SCGB2B2: variants seen among roughly 807,000 people sequenced by gnomAD.
SCGB2B2 encodes the protein secretoglobin family 2B member 2, also known as secretoglobin-like protein.
SCGB2B2 carries 11 observed loss-of-function variants against 7.6 expected under a neutral mutation model. The observed-to-expected ratio is 1.45, with a 90% CI of 0.91 to 2.40. The LOEUF (loss-of-function observed/expected upper bound fraction) is 2.40, where lower values mean the gene tolerates loss of function less well. SCGB2B2 is among the 30% of genes most tolerant of loss of function. SCGB2B2 has a pLI of 0.00. For synonymous variants in SCGB2B2, 50 were observed against 48.6 expected (o/e 1.03, Z -0.12); for missense variants, 104 against 115.4 (o/e 0.90, Z 0.45).
rs1291045219 is a variant in SCGB2B2 at position 34,676,392 on chromosome 19, C to T, written c.-2794G>A. ...GCCATGGTAAGGTTCAGAAGTTACC[C>T]TGTATGGTTCAAAAAGCTGGGAAGC... On this transcript the variant is annotated 5_prime_UTR_variant, in exon 1 of 4. Coordinates refer to ENST00000601241, the MANE Select transcript of SCGB2B2 (RefSeq NM_001025591.4). 6.6e-6 allele frequency: 1 copy of T among 152,200 alleles called. No homozygotes were observed. The highest frequency in any genetic ancestry group is 2.4e-5 in the African/African-American group (1 of 41,460). The allele number at this position is 152,200 out of a possible 1,614,324, so 9.4% of individuals were successfully genotyped here. A position where few individuals can be genotyped will look rare whatever the true frequency, so the allele number is the denominator to read the frequency against.
chr19:34,596,575 C>CTCTGCA lies in SCGB2B2; in HGVS notation c.-2018_-2013dup, dbSNP rs1325082325. The CTCTGCA allele has an allele frequency of 1.3e-5, 2 of 152,686 alleles. No homozygotes were observed. The highest frequency in any genetic ancestry group is 2.1e-4 in the South Asian group (1 of 4,830). 9.5% of individuals were successfully genotyped at this position (152,686 alleles called of 1,614,324 possible). ...GGAGGGGCTGTGTGGCTGCCTCTGCCTCTGCATCTGGGTCTGTGTCTGAGA... is the reference window on the plus strand; with the variant it reads ...GGAGGGGCTGTGTGGCTGCCTCTGCCTCTGCATCTGCATCTGGGTCTGTGTCTGAGA... On this transcript the variant is annotated 5_prime_UTR_variant, in exon 2 of 4. It adds an upstream start codon to the 5' untranslated region. Coordinates refer to ENST00000601241, the MANE Select transcript of SCGB2B2 (RefSeq NM_001025591.4).
chr19:34,604,008 C>A (rs948764163), intron 1 of SCGB2B2, among the ~76,000 whole-genome samples: 1 of 151,986 alleles, frequency 6.6e-6, no homozygotes, highest in Non-Finnish European at 1.5e-5. Flanking sequence ...TTATTTGTGT[C>A]TTTCCCATTT....
At chr19:34,659,131 G>A (rs531932968) in intron 1 of SCGB2B2, among the ~76,000 whole-genome samples, 2 of 152,230 alleles carry the variant, frequency 1.3e-5, no homozygotes, top group Admixed American at 6.5e-5. Context: ...GTATTGATGG[G>A]ACGTATCTCA....
At chr19:34,662,266 C>G (rs80230965) in intron 1 of SCGB2B2, among the ~76,000 whole-genome samples, 129 of 152,188 alleles carry the variant, frequency 8.5e-4, no homozygotes, top group South Asian at 1.7e-3. Flanking sequence ...CAACCCTGTC[C>G]TAAACTGGGA....
intron 1 of SCGB2B2, among the ~76,000 whole-genome samples, chr19:34,631,098 A>C (rs1430730068): frequency 8.4e-6 from 1 of 119,360 alleles, no homozygotes; most frequent in East Asian, 2.8e-4. Flanking sequence ...GGAACATCAC[A>C]CACCGGGGCC....
chr19:34,600,681 A>G (rs1336548716), intron 1 of SCGB2B2, among the ~76,000 whole-genome samples: 1 of 152,164 alleles, frequency 6.6e-6, no homozygotes, highest in African/African-American at 2.4e-5. Context: ...TGAAATGTGA[A>G]TGGAATCTTT....
chr19:34,627,587 C>T (rs967526772), intron 1 of SCGB2B2, among the ~76,000 whole-genome samples: 1 of 152,266 alleles, frequency 6.6e-6, no homozygotes, highest in Middle Eastern at 3.4e-3. Flanking sequence ...TATATATGCA[C>T]CTAATACAGG....
rs7249277 is a variant in SCGB2B2, at chr19:34,636,843, G to A, written c.-2032+38787C>T. Among the ~76,000 whole-genome samples, 528 of 152,238 alleles carry A rather than the reference G, an allele frequency of 3.5e-3. 1 individual carries two copies. The highest frequency in any genetic ancestry group is 0.011 in the African/African-American group (472 of 41,542). On this transcript the variant is annotated intron_variant, in intron 1 of 3. Coordinates refer to ENST00000601241, the MANE Select transcript of SCGB2B2 (RefSeq NM_001025591.4). The stretch of plus-strand genomic sequence containing the variant: ...TTCCCACTTACCAGAGCCAGTCCCC[G>A]CCAGAGTCCCTCCTCCCATAGCTTT...
intron 1 of SCGB2B2, among the ~76,000 whole-genome samples, chr19:34,649,899 G>C (rs545249595): frequency 8.6e-4 from 130 of 151,242 alleles, no homozygotes; most frequent in Non-Finnish European, 1.3e-3. Flanking sequence ...TTTTGTCTCT[G>C]ATCTCTGCTA....
downstream of SCGB2B2, among the ~76,000 whole-genome samples, chr19:34,588,126 C>T (rs58667066): frequency 7.3e-3 from 1,113 of 152,280 alleles, 8 homozygotes; most frequent in African/African-American, 0.026. Flanking sequence ...AAATATTTGG[C>T]GGAATTCTGC....
intron 1 of SCGB2B2, among the ~76,000 whole-genome samples, chr19:34,600,296 A>G (rs1568428646): frequency 6.6e-6 from 1 of 152,040 alleles, no homozygotes; most frequent in Non-Finnish European, 1.5e-5. Flanking sequence ...TGTTATCTCC[A>G]TTGTTTAAGT....
intron 1 of SCGB2B2, among the ~76,000 whole-genome samples, chr19:34,629,861 C>A (rs981647564): frequency 4.6e-5 from 7 of 152,114 alleles, no homozygotes; most frequent in South Asian, 4.1e-4. Flanking sequence ...TGACTTCAAA[C>A]TATACTACAA....
intron 1 of SCGB2B2, among the ~76,000 whole-genome samples, chr19:34,636,291 CGGGGG>C (rs534887730): frequency 1.4e-3 from 219 of 152,176 alleles, no homozygotes; most frequent in African/African-American, 5.0e-3. Context: ...TGGGGGGCTA[CGGGGG>C]TTACAGGTGA....
intron 1 of SCGB2B2, among the ~76,000 whole-genome samples, chr19:34,597,817 C>T (rs907209755): frequency 1.3e-5 from 2 of 152,228 alleles, no homozygotes; most frequent in Non-Finnish European, 2.9e-5. Context: ...CATGCTGCAG[C>T]CTCGAGGCCT....
At chr19:34,586,134 T>G (rs144674749), downstream of SCGB2B2, among the ~76,000 whole-genome samples, 296 of 152,334 alleles carry the variant, frequency 1.9e-3, no homozygotes, top group South Asian at 2.5e-3. Flanking sequence ...GGGGAAGGGC[T>G]ATTATCATTT....
At chr19:34,653,772 T>C (rs775111687) in intron 1 of SCGB2B2, among the ~76,000 whole-genome samples, 2 of 151,202 alleles carry the variant, frequency 1.3e-5, no homozygotes, top group East Asian at 3.8e-4. Flanking sequence ...TCAATATCCA[T>C]TCATACTGAA....
chr19:34,637,108 GCA>G (rs2066703617), intron 1 of SCGB2B2, among the ~76,000 whole-genome samples: 1 of 152,182 alleles, frequency 6.6e-6, no homozygotes, highest in Admixed American at 6.5e-5. Context: ...GCAATTCCCA[GCA>G]CAGTGAGGCA....
intron 1 of SCGB2B2, among the ~76,000 whole-genome samples, chr19:34,631,133 A>G (rs1489617860): frequency 2.5e-3 from 206 of 81,824 alleles, no homozygotes; most frequent in Middle Eastern, 6.8e-3. Context: ...GGGAGGGGGG[A>G]GGGATGGCAT....
intron 1 of SCGB2B2, among the ~76,000 whole-genome samples, chr19:34,674,647 G>A (rs2067878267): frequency 6.6e-6 from 1 of 152,126 alleles, no homozygotes. Context: ...AGGATAGAGG[G>A]GTAACACCTG....
Sources: gnomAD v4.1 joint callset for allele counts (sites outside exome capture counted in the v4.1 genomes callset) on GRCh38, gnomAD v4.1.1 for gene constraint, MANE v1.5 for transcripts, NCBI Gene and HGNC (gene_info 2026-07-23, HGNC 2026-07-21) for gene names.